CTNNA3: variants seen among roughly 807,000 people sequenced by gnomAD.
CTNNA3 encodes the protein catenin alpha 3.
Under a neutral mutation model 95.7 loss-of-function variants are expected in CTNNA3, and 76 were observed. The ratio of observed to expected loss-of-function variants is 0.79; its 90% CI spans 0.66 to 0.96. CTNNA3 has a LOEUF of 0.96. Among genes scored for constraint, CTNNA3 ranks in the 40% least tolerant of loss-of-function variants. CTNNA3 has a pLI of 0.00. For synonymous variants in CTNNA3, 431 were observed against 374.4 expected (o/e 1.15, Z -1.74); for missense variants, 1,191 against 1,089.8 (o/e 1.09, Z -1.31).
At chr10:67,573,918 CA>C (rs1842057229) in intron 3 of CTNNA3, among the ~76,000 whole-genome samples, 1 of 152,042 alleles carries the variant, frequency 6.6e-6, no homozygotes, top group African/African-American at 2.4e-5. Flanking sequence ...ATAATTATAG[CA>C]GATGAAAATG....
intron 3 of CTNNA3, among the ~76,000 whole-genome samples, chr10:67,593,832 G>C (rs1842856162): frequency 6.6e-6 from 1 of 152,050 alleles, no homozygotes; most frequent in Non-Finnish European, 1.5e-5. Flanking sequence ...TCCTTGTCTT[G>C]CACCAGTTCT....
intron 17 of CTNNA3, among the ~76,000 whole-genome samples, chr10:65,936,740 A>G (rs1209328644): frequency 6.6e-6 from 1 of 152,110 alleles, no homozygotes; most frequent in East Asian, 1.9e-4. Flanking sequence ...GTCACTTATT[A>G]AACAAGTGAC....
In CTNNA3 at chr10:66,327,626, T is replaced by A. The variant is rs376946730; in HGVS notation, c.1733-47005A>T. On this transcript the variant is annotated intron_variant, in intron 12 of 17. Transcript: ENST00000433211. ...CCTATCAATTTTCCCTCAAAAATATTATCTCTAATCTTATTCTCTCCCTTT... is the reference window on the plus strand; with the variant it reads ...CCTATCAATTTTCCCTCAAAAATATAATCTCTAATCTTATTCTCTCCCTTT... Among the ~76,000 whole-genome samples, 67 of 152,156 alleles carry A rather than the reference T, an allele frequency of 4.4e-4. 1 individual carries two copies. The South Asian group carries it at 0.014, about 31-fold the overall frequency.
chr10:66,693,107 T>A (rs928977178), intron 9 of CTNNA3, among the ~76,000 whole-genome samples: 2 of 152,032 alleles, frequency 1.3e-5, no homozygotes, highest in Non-Finnish European at 2.9e-5. Flanking sequence ...AATTCACACA[T>A]AACACTATTA....
At position 65,922,769 on chromosome 10, in the gene CTNNA3, G is replaced by A. The variant is rs183450144; in HGVS notation, c.2401-2152C>T. ...TGTAGTTATTTTTAAAGTTGTATTC[G>A]TTCATTTACACACTACTACAAAGAT... On this transcript the variant is annotated intron_variant, in intron 17 of 17. Coordinates refer to ENST00000433211, the MANE Select transcript of CTNNA3 (RefSeq NM_013266.4). Among the ~76,000 whole-genome samples, 615 of 152,088 alleles carry A rather than the reference G, an allele frequency of 4.0e-3. 18 individuals carry two copies. The highest frequency in any genetic ancestry group is 9.7e-4 in the Non-Finnish European group (66 of 67,992).
chr10:66,470,556 T>C (rs1039884989), intron 11 of CTNNA3, among the ~76,000 whole-genome samples: 3 of 151,876 alleles, frequency 2.0e-5, no homozygotes, highest in African/African-American at 7.3e-5. Flanking sequence ...AAAGCAGTTA[T>C]AAACATGGAT....
At chr10:66,995,159 T>C (rs1206196841) in intron 7 of CTNNA3, among the ~76,000 whole-genome samples, 1 of 152,144 alleles carries the variant, frequency 6.6e-6, no homozygotes, top group East Asian at 1.9e-4. Flanking sequence ...TTCCATAATC[T>C]CAAACATAAC....
rs952639984 is a variant in CTNNA3 at position 67,230,759 on chromosome 10, G to T, written c.580-10889C>A. 1.2e-4 allele frequency among the ~76,000 whole-genome samples: 19 copies of T among 152,180 alleles called. 1 individual carries two copies. Among genetic ancestry groups the T allele is most frequent in the Admixed American group, 7.8e-4 (12 of 15,288 alleles). On this transcript the variant is annotated intron_variant, in intron 5 of 17. Coordinates refer to ENST00000433211, the MANE Select transcript of CTNNA3 (RefSeq NM_013266.4). ...GGTGATTTCTGCATTTCCATCTGAGGTACAGGGTTCATCTCACTAGGGAAT... is the reference window on the plus strand; with the variant it reads ...GGTGATTTCTGCATTTCCATCTGAGTTACAGGGTTCATCTCACTAGGGAAT...
chr10:67,311,456 T>C (rs1840796369), intron 5 of CTNNA3, among the ~76,000 whole-genome samples: 1 of 152,154 alleles, frequency 6.6e-6, no homozygotes, highest in East Asian at 1.9e-4. Flanking sequence ...AGATCTGTGG[T>C]TGCCTGTGGC....
chr10:66,847,395 A>G (rs563545613), intron 7 of CTNNA3, among the ~76,000 whole-genome samples: 1 of 152,330 alleles, frequency 6.6e-6, no homozygotes, highest in East Asian at 1.9e-4. Flanking sequence ...TAGAGAGAAT[A>G]TCTTAATTTA....
intron 1 of CTNNA3, among the ~76,000 whole-genome samples, chr10:67,751,981 G>C (rs1343746270): frequency 6.6e-6 from 1 of 152,048 alleles, no homozygotes; most frequent in Non-Finnish European, 1.5e-5. Context: ...TATGAGGCCA[G>C]CATCATCCTG....
chr10:66,909,311 T>C lies in CTNNA3; in HGVS notation c.1048-133787A>G, dbSNP rs553267003. On this transcript the variant is annotated intron_variant, in intron 7 of 17. Transcript: ENST00000433211. ...AGATGGATCACCTGAGGCTGGGAGT[T>C]CGAGACCAGCCAACACAGAGAAACC... Among the ~76,000 whole-genome samples, 8 of 152,064 alleles carry C rather than the reference T, an allele frequency of 5.3e-5. No individual in the cohort carries two copies. The South Asian group carries it at 1.7e-3, about 32-fold the overall frequency.
chr10:66,128,649 G>A (rs2082938662), intron 13 of CTNNA3, among the ~76,000 whole-genome samples: 1 of 152,124 alleles, frequency 6.6e-6, no homozygotes, highest in Non-Finnish European at 1.5e-5. Context: ...TAGAGGGAGG[G>A]GATGTATAGG....
In CTNNA3 at chr10:67,441,673, A is replaced by C. The variant is rs541638787; in HGVS notation, c.579+80169T>G. Among the ~76,000 whole-genome samples, 12 of 152,290 alleles carry C rather than the reference A, an allele frequency of 7.9e-5. 1 individual carries two copies. In the East Asian group the frequency reaches 2.1e-3, roughly 27 times the overall value. On this transcript the variant is annotated intron_variant, in intron 5 of 17. Coordinates refer to ENST00000433211, the MANE Select transcript of CTNNA3 (RefSeq NM_013266.4). ...GTGGTATTACATATCTAAAGTGCTG[A>C]AGGAAAAAACTTTTATTCTAGAATA... is the stretch of plus-strand genomic sequence containing the variant.
At chr10:67,207,050 G>C (rs1403788883) in intron 6 of CTNNA3, among the ~76,000 whole-genome samples, 3 of 152,128 alleles carry the variant, frequency 2.0e-5, no homozygotes, top group Non-Finnish European at 4.4e-5. Context: ...AGAATCACTG[G>C]AACTCGGGAG....
At chr10:66,963,444 C>A (rs1443906810) in intron 7 of CTNNA3, among the ~76,000 whole-genome samples, 4 of 152,134 alleles carry the variant, frequency 2.6e-5, no homozygotes. Flanking sequence ...AAAAGATGAT[C>A]CTTTCATCAT....
At chr10:67,300,641 T>G (rs939672251) in intron 5 of CTNNA3, among the ~76,000 whole-genome samples, 1 of 152,214 alleles carries the variant, frequency 6.6e-6, no homozygotes, top group South Asian at 2.1e-4. Flanking sequence ...AATATATTCA[T>G]AGACTATTAA....
chr10:66,260,381 T>G (rs2090954124), intron 13 of CTNNA3, among the ~76,000 whole-genome samples: 1 of 152,082 alleles, frequency 6.6e-6, no homozygotes, highest in African/African-American at 2.4e-5. Flanking sequence ...TATAACCTGT[T>G]TTGCCAAGAC....
chr10:66,610,252 T>C (rs948535125), intron 10 of CTNNA3, among the ~76,000 whole-genome samples: 1 of 98,340 alleles, frequency 1.0e-5, no homozygotes, highest in Non-Finnish European at 1.9e-5. Context: ...ATGGGGGGGC[T>C]ATGTTCCTGG....
Sources: gnomAD v4.1 joint callset for allele counts (sites outside exome capture counted in the v4.1 genomes callset) on GRCh38, gnomAD v4.1.1 for gene constraint, MANE v1.5 for transcripts, NCBI Gene and HGNC (gene_info 2026-07-23, HGNC 2026-07-21) for gene names.